Variants in WSB2 observed in about 807,000 individuals in gnomAD.
WSB2 encodes the protein WD repeat and SOCS box-containing protein 2.
Under a neutral mutation model 48.8 loss-of-function variants are expected in WSB2, and 12 were observed. The observed-to-expected ratio is 0.25, with a 90% CI of 0.16 to 0.40. The LOEUF is 0.40. Among genes scored for constraint, WSB2 ranks in the 10% least tolerant of loss-of-function variants. WSB2 has a pLI of 1.00. For missense variants in WSB2, 317 were observed against 506.2 expected (o/e 0.63, Z 3.59); for synonymous variants, 191 against 203.1 (o/e 0.94, Z 0.51).
chr12:118,035,368 G>C (rs755881831), intron 6 of WSB2, 44 bp from the exon 7 acceptor site: 2 of 1,552,902 alleles, frequency 1.3e-6, no homozygotes, highest in African/African-American at 2.7e-5. Flanking sequence ...AGTGATGGCT[G>C]CTCTCCACCC....
chr12:118,048,863 A>C (rs1280278940), intron 2 of WSB2, among the ~76,000 whole-genome samples: 1 of 152,176 alleles, frequency 6.6e-6, no homozygotes, highest in Non-Finnish European at 1.5e-5. Flanking sequence ...CCAGTAATTA[A>C]AGTAAAGGAG....
Position 118,061,032 on chromosome 12 carries a change from T to C in WSB2, c.13+4A>G. The C allele has an allele frequency of 1.0e-6, 1 of 978,404 alleles. No homozygotes were observed. Among genetic ancestry groups the C allele is most frequent in the African/African-American group, 1.8e-5 (1 of 54,736 alleles). The allele number at this position is 978,404 out of a possible 1,614,324, so 60.6% of individuals were successfully genotyped here. A position where few individuals can be genotyped will look rare whatever the true frequency, so the allele number is the denominator to read the frequency against. ...CGGGAACGGGCGCGCCCGGCCCCAC[T>C]CACCTCCGGCCTCCATGGAGGACGC... On this transcript the variant is annotated splice_donor_region_variant and intron_variant, in intron 1 of 8. Transcript: ENST00000315436.
intron 1 of WSB2, among the ~76,000 whole-genome samples, chr12:118,058,804 C>T (rs111723052): frequency 1.6e-4 from 25 of 151,904 alleles, no homozygotes; most frequent in African/African-American, 5.6e-4. Flanking sequence ...TCAAGCGGTT[C>T]TCCTGCCTCA....
In WSB2 at chr12:118,053,099, C is replaced by A. The variant is rs1463742964; in HGVS notation, c.14-621G>T. On this transcript the variant is annotated intron_variant, in intron 1 of 8. Transcript: ENST00000315436. ...AGTCTCCTGATCAGTCTTCCTACCC[C>A]TAGAGATGCTGCTAAAGCTGAAATA... Among the ~76,000 whole-genome samples the A allele has an allele frequency of 2.6e-5, 4 of 152,176 alleles. No homozygotes were observed. The East Asian group carries it at 7.7e-4, about 29-fold the overall frequency.
At chr12:118,050,849 T>C (rs57493385) in intron 2 of WSB2, among the ~76,000 whole-genome samples, 29,297 of 151,802 alleles carry the variant, frequency 0.19, 2,963 homozygotes, top group African/African-American at 0.24. Context: ...GTCAGGAGTT[T>C]GAGACCAGCC....
chr12:118,041,274 C>T (rs186614285), intron 4 of WSB2, among the ~76,000 whole-genome samples: 2 of 152,082 alleles, frequency 1.3e-5, no homozygotes, highest in Admixed American at 6.5e-5. Flanking sequence ...GGATTAGTGC[C>T]CTTAGAAGAA....
Position 118,033,017 on chromosome 12 carries a change from C to T in WSB2, c.*1179G>A, listed in dbSNP as rs1266025482. The stretch of plus-strand genomic sequence containing the variant: ...AGAGGAAATTCCTCAACTTTCTCAA[C>T]GAGTCATGTAACGTTACACTGGCCT... On this transcript the variant is annotated 3_prime_UTR_variant, in exon 9 of 9. Coordinates refer to ENST00000315436, the MANE Select transcript of WSB2 (RefSeq NM_018639.5). The T allele has an allele frequency of 3.3e-5, 5 of 152,100 alleles. No individual in the cohort carries two copies. The highest frequency in any genetic ancestry group is 7.3e-5 in the Non-Finnish European group (5 of 68,032). 9.4% of individuals were successfully genotyped at this position (152,100 alleles called of 1,614,324 possible).
At chr12:118,041,544 T>A (rs1449590927) in intron 4 of WSB2, among the ~76,000 whole-genome samples, 2 of 152,028 alleles carry the variant, frequency 1.3e-5, no homozygotes, top group African/African-American at 4.8e-5. Flanking sequence ...AGCTGGACAG[T>A]CATAGCTTGG....
rs1171138433 is a variant in WSB2, at chr12:118,060,443, G to C, written c.13+593C>G. Among the ~76,000 whole-genome samples the C allele has an allele frequency of 6.6e-6, 1 of 152,102 alleles. No homozygotes were observed. The highest frequency in any genetic ancestry group is 1.5e-5 in the Non-Finnish European group (1 of 68,018). On this transcript the variant is annotated intron_variant, in intron 1 of 8. Coordinates refer to ENST00000315436, the MANE Select transcript of WSB2 (RefSeq NM_018639.5). This position sits in a 1 kb window ranked among gnomAD's most constrained non-coding sequence, Gnocchi z 4.1. ...CCTCCACTGACTTAATCTCCAGTGG[G>C]AGAGGCTGGGAATAGATTGTTTCAA...
upstream of WSB2, chr12:118,061,284 G>A (rs1373904519): frequency 4.1e-5 from 31 of 757,012 alleles, no homozygotes; most frequent in African/African-American, 4.8e-4. Flanking sequence ...GCAGCTGAGG[G>A]AAAAGATGGA....
chr12:118,055,525 G>A (rs957722518), intron 1 of WSB2, among the ~76,000 whole-genome samples: 6 of 151,548 alleles, frequency 4.0e-5, no homozygotes, highest in Admixed American at 6.6e-5. Flanking sequence ...CAGGAATTCC[G>A]GATCAAATGA....
chr12:118,033,063 A>G lies in WSB2; in HGVS notation c.*1133T>C, dbSNP rs1158820391. The G allele has an allele frequency of 6.6e-6, 1 of 152,238 alleles. No individual in the cohort carries two copies. The highest frequency in any genetic ancestry group is 2.4e-5 in the African/African-American group (1 of 41,476). The allele number at this position is 152,238 out of a possible 1,614,324, so 9.4% of individuals were successfully genotyped here. ...GGCCTCCATAAAGCACCGATTAAGA[A>G]AGCTAAAGAATAAGATGTTGTATTT... On this transcript the variant is annotated 3_prime_UTR_variant, in exon 9 of 9. Coordinates refer to ENST00000315436, the MANE Select transcript of WSB2 (RefSeq NM_018639.5).
intron 2 of WSB2, among the ~76,000 whole-genome samples, chr12:118,049,981 C>A (rs183301802): frequency 6.6e-6 from 1 of 152,258 alleles, no homozygotes; most frequent in South Asian, 2.1e-4. Flanking sequence ...CTCAGTGTTA[C>A]GCAAAGAAAC....
chr12:118,043,085 C>T, intron 3 of WSB2, 48 bp downstream of exon 3: 2 of 1,614,008 alleles, frequency 1.2e-6, no homozygotes, highest in Non-Finnish European at 1.7e-6. Context: ...ATAGTCAGAA[C>T]ATGCACCCGA....
At position 118,060,972 on chromosome 12, in the gene WSB2, C is replaced by T. The variant is rs1023885850; in HGVS notation, c.13+64G>A. The T allele has an allele frequency of 1.3e-5, 11 of 849,154 alleles. No homozygotes were observed. Among genetic ancestry groups the T allele is most frequent in the Non-Finnish European group, 1.4e-5 (10 of 704,176 alleles). 52.6% of individuals were successfully genotyped at this position (849,154 alleles called of 1,614,324 possible). On this transcript the variant is annotated intron_variant, in intron 1 of 8. Coordinates refer to ENST00000315436, the MANE Select transcript of WSB2 (RefSeq NM_018639.5). This position sits in a 1 kb window ranked among gnomAD's most constrained non-coding sequence, Gnocchi z 4.1. ...CAGCCCGCCCCGGGGTCGCCTCCCC[C>T]CTCCCCGGGGAGAACGGGCCAGGGC...
At position 118,040,122 on chromosome 12, in the gene WSB2, G is replaced by A. The variant is rs114174660; in HGVS notation, c.560-1734C>T. Reference sequence around the variant, plus strand: ...CAGGAGGCAGAGGCTACAATAAGCCGAGATCGCAGCATTGCACTCCAGCCC... The same window carrying A: ...CAGGAGGCAGAGGCTACAATAAGCCAAGATCGCAGCATTGCACTCCAGCCC... On this transcript the variant is annotated intron_variant, in intron 4 of 8. Coordinates refer to ENST00000315436, the MANE Select transcript of WSB2 (RefSeq NM_018639.5). 4.6e-3 allele frequency among the ~76,000 whole-genome samples: 706 copies of A among 152,068 alleles called. 4 individuals are homozygous for A. Among genetic ancestry groups the A allele is most frequent in the African/African-American group, 0.01 (431 of 41,476 alleles).
chr12:118,038,142 A>ACTT lies in WSB2; in HGVS notation c.660+143_660+145dup, dbSNP rs2031553810. On this transcript the variant is annotated intron_variant, in intron 5 of 8. Transcript: ENST00000315436. The stretch of plus-strand genomic sequence containing the variant: ...CGTGTTAAAGTGCAAGTCACAAGGG[A>ACTT]CTTTTGCAGGTGGTGGCCATGGCCC... The ACTT allele has an allele frequency of 4.9e-6, 3 of 615,272 alleles. No homozygotes were observed. The East Asian group carries it at 9.2e-5, about 19-fold the overall frequency. 38.1% of individuals were successfully genotyped at this position (615,272 alleles called of 1,614,324 possible).
intron 4 of WSB2, among the ~76,000 whole-genome samples, chr12:118,041,334 T>C (rs1242955752): frequency 6.6e-6 from 1 of 152,040 alleles, no homozygotes; most frequent in Non-Finnish European, 1.5e-5. Flanking sequence ...AGAGAGAAGG[T>C]GGCTGTTTAC....
rs2031408506 is a variant in WSB2 at position 118,033,169 on chromosome 12, T to A, written c.*1027A>T. 6.6e-6 allele frequency: 1 copy of A among 152,202 alleles called. No individual in the cohort carries two copies. Among genetic ancestry groups the A allele is most frequent in the African/African-American group, 2.4e-5 (1 of 41,450 alleles). 9.4% of individuals were successfully genotyped at this position (152,202 alleles called of 1,614,324 possible). A position where few individuals can be genotyped will look rare whatever the true frequency, so the allele number is the denominator to read the frequency against. Reference sequence around the variant, plus strand: ...GAGGTGTCTTGATTAGATAACTACATGCCACTGAAGGAGAACAGTACTTTT... The same window carrying A: ...GAGGTGTCTTGATTAGATAACTACAAGCCACTGAAGGAGAACAGTACTTTT... On this transcript the variant is annotated 3_prime_UTR_variant, in exon 9 of 9. Transcript: ENST00000315436.
Sources: allele counts gnomAD v4.1 joint callset (sites outside exome capture counted in the v4.1 genomes callset), GRCh38; gene constraint gnomAD v4.1.1; non-coding constraint Gnocchi (gnomAD v3.1); transcripts MANE v1.5; gene names NCBI Gene and HGNC (gene_info 2026-07-23, HGNC 2026-07-21).